TTLL6: variants seen among roughly 807,000 people sequenced by gnomAD.
The protein encoded by TTLL6 is tubulin tyrosine ligase like 6.
In TTLL6, 75 loss-of-function variants were observed where a neutral mutation model predicts 96.4. The ratio of observed to expected loss-of-function variants is 0.78; its 90% CI spans 0.65 to 0.94. The LOEUF is 0.94. TTLL6 is among the 40% of genes least tolerant of loss of function. The pLI is 0.00. For missense variants in TTLL6, 1,030 were observed against 1,093.0 expected (o/e 0.94, Z 0.81); for synonymous variants, 411 against 419.4 (o/e 0.98, Z 0.24).
intron 14 of TTLL6, 137 bp from the exon 15 acceptor site, chr17:48,769,391 G>A (rs1282606498): frequency 1.8e-6 from 2 of 1,091,014 alleles, no homozygotes; most frequent in East Asian, 4.9e-5. Flanking sequence ...ATCAGCCATT[G>A]CTCCTTTTCT....
chr17:48,804,497 C>A (rs1435130987), intron 2 of TTLL6: 4 of 597,220 alleles, frequency 6.7e-6, no homozygotes, highest in Middle Eastern at 2.6e-4. Flanking sequence ...AGGAAATCTT[C>A]TTTTCCTGCT....
At chr17:48,763,743 G>T (rs1476238677) in intron 15 of TTLL6, among the ~76,000 whole-genome samples, 2 of 152,128 alleles carry the variant, frequency 1.3e-5, no homozygotes, top group East Asian at 3.8e-4. Flanking sequence ...AAGTAGCAGT[G>T]AGCCAAGATC....
In TTLL6 at chr17:48,811,509, C is replaced by G. The variant is rs1598007085; in HGVS notation, c.103+5461G>C. Among the ~76,000 whole-genome samples, 5 of 152,084 alleles carry G rather than the reference C, an allele frequency of 3.3e-5. 1 individual carries two copies. The highest frequency in any genetic ancestry group is 3.3e-4 in the Admixed American group (5 of 15,254). ...ACCTTGGAAGTAGCTGGGATTACAACCATGAGCCGCTGTGCCCAGCTCAAG... is the reference window on the plus strand; with the variant it reads ...ACCTTGGAAGTAGCTGGGATTACAAGCATGAGCCGCTGTGCCCAGCTCAAG... On this transcript the variant is annotated intron_variant, in intron 1 of 15. Coordinates refer to ENST00000393382, the MANE Select transcript of TTLL6 (RefSeq NM_001130918.3).
At chr17:48,806,224 G>C (rs991311780) in intron 1 of TTLL6, 7 of 151,294 alleles carry the variant, frequency 4.6e-5, no homozygotes, top group Admixed American at 2.0e-4. Context: ...AGTGAGCCGA[G>C]ATCATGCCAC....
At chr17:48,768,376 T>G (rs977625918) in intron 15 of TTLL6, among the ~76,000 whole-genome samples, 1 of 152,202 alleles carries the variant, frequency 6.6e-6, no homozygotes, top group African/African-American at 2.4e-5. Flanking sequence ...GTTCAAGCAA[T>G]TCTCCTGCCT....
At chr17:48,816,197 C>T (rs1056840728) in intron 1 of TTLL6, among the ~76,000 whole-genome samples, 5 of 152,146 alleles carry the variant, frequency 3.3e-5, no homozygotes, top group African/African-American at 9.7e-5. Context: ...AATTCCAGCA[C>T]TTTGGGAAGC....
intron 15 of TTLL6, chr17:48,765,860 A>G (rs2143157350): frequency 6.6e-6 from 1 of 152,388 alleles, no homozygotes. Context: ...CATGACTAAT[A>G]CTAACACATG....
intron 1 of TTLL6, among the ~76,000 whole-genome samples, chr17:48,807,213 G>C (rs12946138): frequency 2.3e-4 from 35 of 150,388 alleles, no homozygotes; most frequent in African/African-American, 8.6e-4. Flanking sequence ...TCAGCCTCCC[G>C]AGTAGCTGGG....
intron 5 of TTLL6, 80 bp from the exon 6 acceptor site, chr17:48,799,840 G>C: frequency 7.5e-7 from 1 of 1,330,818 alleles, no homozygotes; most frequent in Non-Finnish European, 1.0e-6. Context: ...ATGAAGAAAA[G>C]AAAGAAAAGC....
At chr17:48,764,399 G>A (rs1407425177) in intron 15 of TTLL6, among the ~76,000 whole-genome samples, 1 of 152,218 alleles carries the variant, frequency 6.6e-6, no homozygotes, top group East Asian at 1.9e-4. Flanking sequence ...TCACTTGTGT[G>A]AGGTTGGGCA....
rs775575748 is a variant in TTLL6, at chr17:48,796,138, G to A, written c.921C>T (p.Ile307=). The change falls in exon 8 of 16, where the codon ATC becomes ATT. Residue 307 remains isoleucine (I), a synonymous_variant. Transcript: ENST00000393382. Reference sequence around the variant, plus strand: ...TGGAATAATTAGTCAGGTGCATGCAGATATCATCCTGGGGAAAAAGACACA... The same window carrying A: ...TGGAATAATTAGTCAGGTGCATGCAAATATCATCCTGGGGAAAAAGACACA... ...SRPCTDNLDD[I]CMHLTNYSIN... is the part of the protein sequence containing the mutation. The A allele has an allele frequency of 1.3e-6, 2 of 1,551,088 alleles. No homozygotes were observed. The highest frequency in any genetic ancestry group is 1.7e-6 in the Non-Finnish European group (2 of 1,146,688).
chr17:48,794,729 T>A (rs2039288179), intron 8 of TTLL6, among the ~76,000 whole-genome samples: 1 of 152,178 alleles, frequency 6.6e-6, no homozygotes, highest in African/African-American at 2.4e-5. Context: ...TCTGTGTGCT[T>A]TTTGGAATGC....
At chr17:48,807,793 T>A (rs1295990405) in intron 1 of TTLL6, among the ~76,000 whole-genome samples, 2 of 152,178 alleles carry the variant, frequency 1.3e-5, no homozygotes, top group Admixed American at 1.3e-4. Flanking sequence ...ATTACAAGCA[T>A]GAGCCACCGT....
intron 13 of TTLL6, among the ~76,000 whole-genome samples, chr17:48,772,097 C>CA (rs199740155): frequency 0.023 from 3,409 of 151,338 alleles, 48 homozygotes; most frequent in Admixed American, 0.035. Flanking sequence ...CAAAACAAAA[C>CA]AAAAAAACCC....
At chr17:48,792,172 G>C (rs1454253457) in intron 8 of TTLL6, among the ~76,000 whole-genome samples, 1 of 152,168 alleles carries the variant, frequency 6.6e-6, no homozygotes, top group Non-Finnish European at 1.5e-5. Context: ...TTTTAGAATT[G>C]CAAGTCCTGA....
chr17:48,802,621 A>C (rs2039444434), intron 3 of TTLL6, among the ~76,000 whole-genome samples: 1 of 152,264 alleles, frequency 6.6e-6, no homozygotes, highest in Non-Finnish European at 1.5e-5. Flanking sequence ...CTGTAATCCC[A>C]GCACTTTGGG....
chr17:48,801,065 T>C (rs573568089), intron 5 of TTLL6, among the ~76,000 whole-genome samples, 190 bp downstream of exon 5: 1 of 152,334 alleles, frequency 6.6e-6, no homozygotes, highest in East Asian at 1.9e-4. Context: ...AAATGTCATC[T>C]AATTTTACAG....
chr17:48,783,020 G>A (rs1252510270), intron 13 of TTLL6, among the ~76,000 whole-genome samples: 2 of 151,982 alleles, frequency 1.3e-5, no homozygotes, highest in African/African-American at 2.4e-5. Context: ...GCCTTAACTG[G>A]TACTTTTTCA....
Position 48,787,967 on chromosome 17 carries a change from T to C in TTLL6, c.1433A>G (p.Gln478Arg), listed in dbSNP as rs2039139526. 1 of 1,614,154 alleles carries C rather than the reference T, an allele frequency of 6.2e-7. No individual in the cohort carries two copies. Among genetic ancestry groups the C allele is most frequent in the Non-Finnish European group, 8.5e-7 (1 of 1,180,012 alleles). Residue 478 changes from glutamine to arginine, a missense_variant, in exon 11 of 16, where the codon CAG (glutamine) becomes CGG (arginine). Transcript: ENST00000393382. ...CTCATACGTTTCAGTTTTCTTTAACTGCACGGCCCGGAAACCCTTGGCTTC... is the reference window on the plus strand; with the variant it reads ...CTCATACGTTTCAGTTTTCTTTAACCGCACGGCCCGGAAACCCTTGGCTTC... ...IEEAKGFRAV[Q>R]LKKTETYEKE...
Sources: gnomAD v4.1 joint callset for allele counts (sites outside exome capture counted in the v4.1 genomes callset) on GRCh38, gnomAD v4.1.1 for gene constraint, MANE v1.5 for transcripts, NCBI Gene and HGNC (gene_info 2026-07-23, HGNC 2026-07-21) for gene names.